TLN2: variants seen among roughly 807,000 people sequenced by gnomAD.
TLN2 encodes talin 2, also known as talin-2.
Under a neutral mutation model 294.7 loss-of-function variants are expected in TLN2, and 118 were observed. The observed-to-expected ratio is 0.40, with a 90% CI of 0.34 to 0.47. The LOEUF (loss-of-function observed/expected upper bound fraction) is 0.47. Among genes scored for constraint, TLN2 ranks in the 20% least tolerant of loss-of-function variants. TLN2 has a pLI of 0.84. For missense variants in TLN2, 3,083 were observed against 3,282.2 expected, an observed-to-expected ratio of 0.94 and a Z score of 1.48; for synonymous variants, 1,431 against 1,304.5, an observed-to-expected ratio of 1.10 and a Z score of -2.09.
At chr15:62,634,006 A>G (rs2050152744) in intron 3 of TLN2, among the ~76,000 whole-genome samples, 1 of 152,154 alleles carries the variant, frequency 6.6e-6, no homozygotes, top group African/African-American at 2.4e-5. Context: ...CCTTCTTATA[A>G]GGACAACGGT....
At chr15:62,751,160 T>C (rs940504070) in intron 34 of TLN2, among the ~76,000 whole-genome samples, 1 of 151,694 alleles carries the variant, frequency 6.6e-6, no homozygotes, top group Non-Finnish European at 1.5e-5. Flanking sequence ...AAAAAACTGT[T>C]GAGAAACACT....
chr15:62,464,221 C>T (rs1478476447), intron 1 of TLN2, among the ~76,000 whole-genome samples: 1 of 152,180 alleles, frequency 6.6e-6, no homozygotes, highest in Non-Finnish European at 1.5e-5. Flanking sequence ...GGCACATATA[C>T]ACCATGGAAT....
At chr15:62,781,074 C>G in intron 43 of TLN2, 66 bp from the exon 44 acceptor site, 1 of 1,254,728 alleles carries the variant, frequency 8.0e-7, no homozygotes, top group Non-Finnish European at 1.2e-6. Flanking sequence ...TCCTAATTCT[C>G]GTAAATACAG....
chr15:62,661,385 T>C (rs914055006), intron 9 of TLN2, among the ~76,000 whole-genome samples: 3 of 152,106 alleles, frequency 2.0e-5, no homozygotes, highest in Admixed American at 2.0e-4. Flanking sequence ...ATGGAAATAA[T>C]GAAAGAAACC....
intron 1 of TLN2, among the ~76,000 whole-genome samples, chr15:62,477,905 G>A (rs540993931): frequency 2.7e-5 from 4 of 145,704 alleles, no homozygotes; most frequent in Non-Finnish European, 4.5e-5. Flanking sequence ...GGGATGGAGG[G>A]GGGGGTGCAG....
chr15:62,716,809 T>C (rs959586561), intron 23 of TLN2, among the ~76,000 whole-genome samples: 2 of 152,184 alleles, frequency 1.3e-5, no homozygotes, highest in Admixed American at 1.3e-4. Context: ...ATAGGAAATA[T>C]GGACTTCAAA....
At chr15:62,506,791 A>G (rs555814799) in intron 1 of TLN2, among the ~76,000 whole-genome samples, 36 of 152,374 alleles carry the variant, frequency 2.4e-4, no homozygotes, top group Middle Eastern at 3.4e-3. Context: ...GTAGAGCAGG[A>G]AACTATCTTT....
intron 1 of TLN2, among the ~76,000 whole-genome samples, chr15:62,553,272 G>A (rs1211052236): frequency 6.6e-6 from 1 of 152,118 alleles, no homozygotes; most frequent in Non-Finnish European, 1.5e-5. Flanking sequence ...GAGGCAGATG[G>A]ATCATCTGTC....
chr15:62,394,392 A>G (rs951107709), intron 1 of TLN2, among the ~76,000 whole-genome samples: 7 of 152,240 alleles, frequency 4.6e-5, no homozygotes, highest in African/African-American at 1.7e-4. Context: ...AGTTATTTTT[A>G]TTAGGTACAA....
At chr15:62,660,758 G>A (rs1386567780) in intron 9 of TLN2, among the ~76,000 whole-genome samples, 3 of 152,102 alleles carry the variant, frequency 2.0e-5, no homozygotes, top group African/African-American at 7.2e-5. Context: ...TTGCAGATGT[G>A]TTTTATTGTG....
chr15:62,741,748 C>CGCGCACGCGTGTGTGTGTGTGT, intron 32 of TLN2, among the ~76,000 whole-genome samples: 3 of 131,164 alleles, frequency 2.3e-5, no homozygotes, highest in African/African-American at 8.7e-5. Flanking sequence ...AAAATTTGCG[C>CGCGCACGCGTGTGTGTGTGTGT]GTGTGTGTGT....
intron 1 of TLN2, among the ~76,000 whole-genome samples, chr15:62,577,742 G>A (rs527669914): frequency 2.7e-4 from 41 of 152,072 alleles, no homozygotes; most frequent in African/African-American, 7.2e-4. Flanking sequence ...TGTGCACACC[G>A]TGCAGATTTG....
intron 57 of TLN2, among the ~76,000 whole-genome samples, chr15:62,836,863 TTTC>T (rs1411657428): frequency 2.0e-5 from 3 of 152,240 alleles, no homozygotes; most frequent in African/African-American, 7.2e-5. Context: ...TACATTCTGC[TTTC>T]TTTTCACTTA....
rs555293585 is a variant in TLN2 at position 62,759,342 on chromosome 15, T to C, written c.4639-2339T>C. Among the ~76,000 whole-genome samples the C allele has an allele frequency of 8.5e-5, 13 of 152,380 alleles. No homozygotes were observed. The East Asian group carries it at 2.3e-3, about 27-fold the overall frequency. On this transcript the variant is annotated intron_variant, in intron 37 of 58. Coordinates refer to ENST00000636159, the MANE Select transcript of TLN2 (RefSeq NM_015059.3). ...AAATGATTGATATGGCTTGCTATTC[T>C]AGTTCATGTTATTCAAGGCTTTGAC...
At chr15:62,751,728 A>G (rs545571718) in intron 34 of TLN2, among the ~76,000 whole-genome samples, 1 of 152,368 alleles carries the variant, frequency 6.6e-6, no homozygotes, top group South Asian at 2.1e-4. Flanking sequence ...GACCTTGTAC[A>G]GGATGCATGA....
At chr15:62,633,345 G>T (rs1362227191) in intron 3 of TLN2, among the ~76,000 whole-genome samples, 2 of 152,222 alleles carry the variant, frequency 1.3e-5, no homozygotes, top group African/African-American at 4.8e-5. Flanking sequence ...TACTCAGGCT[G>T]CAGTACGGTG....
intron 1 of TLN2, among the ~76,000 whole-genome samples, chr15:62,571,959 T>G (rs1461061579): frequency 1.3e-5 from 2 of 152,248 alleles, no homozygotes; most frequent in Admixed American, 6.5e-5. Flanking sequence ...ATCAAAATCC[T>G]CAAGGGCAGG....
At chr15:62,469,537 C>T (rs752041464) in intron 1 of TLN2, among the ~76,000 whole-genome samples, 1 of 152,214 alleles carries the variant, frequency 6.6e-6, no homozygotes, top group Non-Finnish European at 1.5e-5. Flanking sequence ...ACTAGTTGTT[C>T]TGCCATTGGG....
intron 2 of TLN2, among the ~76,000 whole-genome samples, chr15:62,590,294 TC>T (rs2045978388): frequency 6.6e-6 from 1 of 152,180 alleles, no homozygotes; most frequent in Non-Finnish European, 1.5e-5. Context: ...TTTTTCCTGA[TC>T]CTCTCCCTCT....
Sources: allele counts gnomAD v4.1 joint callset (sites outside exome capture counted in the v4.1 genomes callset), GRCh38; gene constraint gnomAD v4.1.1; transcripts MANE v1.5; gene names NCBI Gene and HGNC (gene_info 2026-07-23, HGNC 2026-07-21).